The following THSD4 variants were observed in gnomAD, a reference collection of about 807,000 sequenced individuals.
The protein encoded by THSD4 is thrombospondin type-1 domain-containing protein 4.
THSD4 carries 69 observed loss-of-function variants against 119.0 expected under a neutral mutation model. The ratio of observed to expected loss-of-function variants is 0.58; its 90% CI spans 0.48 to 0.71. The LOEUF is 0.71. Among genes scored for constraint, THSD4 ranks in the 30% least tolerant of loss-of-function variants. The probability of loss-of-function intolerance (pLI) is 0.00; values close to 1 mark genes in which losing one functional copy is unlikely to be tolerated. For missense variants in THSD4, 1,393 were observed against 1,391.1 expected (o/e 1.00, Z -0.02); for synonymous variants, 524 against 540.4 (o/e 0.97, Z 0.42).
intron 8 of THSD4, among the ~76,000 whole-genome samples, chr15:71,688,089 G>A (rs903622554): frequency 6.6e-6 from 1 of 152,148 alleles, no homozygotes; most frequent in African/African-American, 2.4e-5. Context: ...AAAGCTCCTT[G>A]AGCACAAATC....
intron 7 of THSD4, among the ~76,000 whole-genome samples, chr15:71,590,364 C>T (rs2049770322): frequency 1.5e-5 from 2 of 137,804 alleles, no homozygotes; most frequent in South Asian, 4.7e-4. Flanking sequence ...ATAGGCCATT[C>T]TCATTATGCA....
intron 13 of THSD4, among the ~76,000 whole-genome samples, chr15:71,747,871 C>T (rs1334001740): frequency 1.6e-4 from 24 of 152,192 alleles, no homozygotes. Flanking sequence ...AGGATGTAAG[C>T]CATGAATCCT....
At chr15:71,523,100 A>G (rs1190495259) in intron 7 of THSD4, among the ~76,000 whole-genome samples, 2 of 152,224 alleles carry the variant, frequency 1.3e-5, no homozygotes, top group Non-Finnish European at 2.9e-5. Context: ...ATGAGTAAAA[A>G]GATGTGATAA....
At chr15:71,402,167 G>T (rs2046544477) in intron 6 of THSD4, among the ~76,000 whole-genome samples, 1 of 151,434 alleles carries the variant, frequency 6.6e-6, no homozygotes, top group Non-Finnish European at 1.5e-5. Flanking sequence ...CAAGTTAATG[G>T]GTGCAGCACA....
chr15:71,756,982 T>C (rs1226977106), intron 14 of THSD4, among the ~76,000 whole-genome samples: 2 of 152,190 alleles, frequency 1.3e-5, no homozygotes, highest in Non-Finnish European at 2.9e-5. Context: ...ATTTTATCCC[T>C]ATGAGGCTTA....
upstream of THSD4, chr15:71,114,905 G>T (rs1018197152): frequency 6.6e-6 from 1 of 152,282 alleles, no homozygotes; most frequent in Non-Finnish European, 1.5e-5. Context: ...GGCCTCAGAA[G>T]GAGCCCAGCG....
chr15:71,765,246 C>G, intron 16 of THSD4, 47 bp downstream of exon 16: 1 of 1,580,710 alleles, frequency 6.3e-7, no homozygotes, highest in South Asian at 1.2e-5. Flanking sequence ...ACAACGTCCC[C>G]CACCTGAACT....
intron 7 of THSD4, among the ~76,000 whole-genome samples, chr15:71,476,543 A>G (rs994496636): frequency 4.0e-5 from 6 of 151,182 alleles, no homozygotes; most frequent in African/African-American, 1.5e-4. Flanking sequence ...TGCCTGGCCA[A>G]CCCCTTGTAT....
intron 8 of THSD4, among the ~76,000 whole-genome samples, chr15:71,724,027 C>T (rs1465366046): frequency 6.8e-6 from 1 of 146,168 alleles, no homozygotes; most frequent in African/African-American, 2.5e-5. Flanking sequence ...TGTGCCACTG[C>T]ACTGCAGCCT....
intron 4 of THSD4, among the ~76,000 whole-genome samples, chr15:71,235,797 G>T (rs1364899599): frequency 6.6e-6 from 1 of 152,042 alleles, no homozygotes; most frequent in African/African-American, 2.4e-5. Context: ...TGCCATGTTG[G>T]CCAGGCTGGT....
chr15:71,251,826 C>T (rs1053038026), intron 5 of THSD4, among the ~76,000 whole-genome samples: 1 of 152,084 alleles, frequency 6.6e-6, no homozygotes, highest in Non-Finnish European at 1.5e-5. Flanking sequence ...TTCAGATTAA[C>T]CAGGGTCACT....
chr15:71,128,790 T>C (rs1238790278), intron 1 of THSD4, among the ~76,000 whole-genome samples: 2 of 152,232 alleles, frequency 1.3e-5, no homozygotes, highest in Non-Finnish European at 2.9e-5. Flanking sequence ...TGAGTGTTTC[T>C]GGTTTTAACA....
At chr15:71,622,972 G>C (rs910129759) in intron 7 of THSD4, among the ~76,000 whole-genome samples, 1 of 152,136 alleles carries the variant, frequency 6.6e-6, no homozygotes, top group Non-Finnish European at 1.5e-5. Flanking sequence ...ATGTTCCAAG[G>C]ACAAGGAAGA....
intron 7 of THSD4, among the ~76,000 whole-genome samples, chr15:71,634,649 G>A (rs796918078): frequency 2.0e-5 from 3 of 152,300 alleles, no homozygotes; most frequent in African/African-American, 7.2e-5. Context: ...GAGGGAATGG[G>A]TGGGAAGAAC....
chr15:71,653,228 A>G lies in THSD4; in HGVS notation c.1153-7302A>G, dbSNP rs144250291. Among the ~76,000 whole-genome samples, 106 of 152,352 alleles carry G rather than the reference A, an allele frequency of 7.0e-4. 1 individual carries two copies. The highest frequency in any genetic ancestry group is 3.4e-3 in the Middle Eastern group (1 of 294). On this transcript the variant is annotated intron_variant, in intron 7 of 17. Transcript: ENST00000261862. ...ATCTTAAAGAACTCGAGAAGGTTTGATAGCAGTAAGGAACTATTTTTGGAA... is the reference window on the plus strand; with the variant it reads ...ATCTTAAAGAACTCGAGAAGGTTTGGTAGCAGTAAGGAACTATTTTTGGAA...
intron 3 of THSD4, among the ~76,000 whole-genome samples, chr15:71,205,786 GTAACATTAAATCATCTGTCTCAGATGATT>G (rs2043838846): frequency 6.6e-6 from 1 of 151,628 alleles, no homozygotes; most frequent in African/African-American, 2.4e-5. Context: ...TGATCAAGAT[GTAACATTAAATCATCTGTCTCAGATGATT>G]TATCACCATA....
At chr15:71,112,808 T>C (rs1052156718), upstream of THSD4, among the ~76,000 whole-genome samples, 1 of 152,256 alleles carries the variant, frequency 6.6e-6, no homozygotes, top group African/African-American at 2.4e-5. Context: ...ATAACAGGAC[T>C]GAAAGATTAA....
chr15:71,223,485 G>A (rs762718214), intron 4 of THSD4, among the ~76,000 whole-genome samples: 1 of 152,218 alleles, frequency 6.6e-6, no homozygotes, highest in Non-Finnish European at 1.5e-5. Context: ...GTCATTAGAA[G>A]TTGGCCCTGC....
At chr15:71,583,026 G>A (rs2049590053) in intron 7 of THSD4, among the ~76,000 whole-genome samples, 1 of 152,052 alleles carries the variant, frequency 6.6e-6, no homozygotes, top group Admixed American at 6.6e-5. Flanking sequence ...TTAAAGGTTT[G>A]GTAGAATTCA....
Sources: gnomAD v4.1 joint callset for allele counts (sites outside exome capture counted in the v4.1 genomes callset) on GRCh38, gnomAD v4.1.1 for gene constraint, MANE v1.5 for transcripts, NCBI Gene and HGNC (gene_info 2026-07-23, HGNC 2026-07-21) for gene names.